The following IL20RA variants were observed in gnomAD, a reference collection of about 807,000 sequenced individuals.
The protein encoded by IL20RA is interleukin-20 receptor subunit alpha.
IL20RA carries 29 observed loss-of-function variants against 36.5 expected under a neutral mutation model. The ratio of observed to expected loss-of-function variants is 0.79; its 90% CI spans 0.59 to 1.08. The LOEUF (loss-of-function observed/expected upper bound fraction) is 1.08. Among genes scored for constraint, IL20RA ranks in the 50% least tolerant of loss-of-function variants. The probability of loss-of-function intolerance (pLI) is 0.00; values close to 1 mark genes in which losing one functional copy is unlikely to be tolerated. For synonymous variants in IL20RA, 279 were observed against 267.1 expected, an observed-to-expected ratio of 1.04 and a Z score of -0.43; for missense variants, 652 against 668.4, an observed-to-expected ratio of 0.98 and a Z score of 0.27.
At position 137,002,132 on chromosome 6, in the gene IL20RA, G is replaced by A; in HGVS notation, c.1088C>T (p.Ala363Val). The A allele has an allele frequency of 6.2e-7, 1 of 1,614,142 alleles. No individual in the cohort carries two copies. The highest frequency in any genetic ancestry group is 8.5e-7 in the Non-Finnish European group (1 of 1,180,012). Residue 363 changes from alanine to valine, a missense_variant, in exon 7 of 7, where the codon GCT (alanine) becomes GTT (valine). Coordinates refer to ENST00000316649, the MANE Select transcript of IL20RA (RefSeq NM_014432.4). ...EEEEVKHLGY[A>V]SHLMEIFCDS... Reference sequence around the variant, plus strand: ...ACAAAAAATTTCCATCAAATGCGAAGCATACCCTAAATGTTTCACCTCCTC... The same window carrying A: ...ACAAAAAATTTCCATCAAATGCGAAACATACCCTAAATGTTTCACCTCCTC...
In IL20RA at chr6:137,030,070, G is replaced by GTTTTTTTTTTT. The variant is rs1188809232; in HGVS notation, c.89-12978_89-12968dup. Among the ~76,000 whole-genome samples the GTTTTTTTTTTT allele has an allele frequency of 1.5e-3, 96 of 62,856 alleles. 23 individuals carry two copies. Among genetic ancestry groups the GTTTTTTTTTTT allele is most frequent in the South Asian group, 2.5e-3 (3 of 1,222 alleles). 41.2% of individuals were successfully genotyped at this position (62,856 alleles called of 152,430 possible). A position where few individuals can be genotyped will look rare whatever the true frequency, so the allele number is the denominator to read the frequency against. ...GGTGGAAAATGTCAGCGGTTTGCGG[G>GTTTTTTTTTTT]TTTTTTTTTTTTTTTTTTTTTTTTT... On this transcript the variant is annotated intron_variant, in intron 1 of 6. Transcript: ENST00000316649.
At chr6:137,008,916 T>C (rs1775372982) in intron 4 of IL20RA, 173 bp from the exon 5 acceptor site, 1 of 457,490 alleles carries the variant, frequency 2.2e-6, no homozygotes, top group Admixed American at 4.4e-5. Context: ...CTCTTTTCCT[T>C]TAGCTCAGCA....
chr6:137,021,304 C>T (rs1382696716), intron 1 of IL20RA, among the ~76,000 whole-genome samples: 2 of 152,080 alleles, frequency 1.3e-5, no homozygotes, highest in East Asian at 1.9e-4. Flanking sequence ...CTCACATGGA[C>T]TGCTTGTTCC....
Position 137,026,459 on chromosome 6 carries a change from G to C in IL20RA, c.89-9356C>G, listed in dbSNP as rs113498292. Among the ~76,000 whole-genome samples, 1,297 of 152,320 alleles carry C rather than the reference G, an allele frequency of 8.5e-3. 23 individuals carry two copies. The highest frequency in any genetic ancestry group is 0.029 in the African/African-American group (1,220 of 41,566). ...ACACACAGGATCTGCACAGTCAGAA[G>C]ATACTCAACAGCTGCGTTTTAATGA... On this transcript the variant is annotated intron_variant, in intron 1 of 6. Transcript: ENST00000316649.
intron 1 of IL20RA, among the ~76,000 whole-genome samples, chr6:137,020,633 C>T (rs894995576): frequency 6.6e-6 from 1 of 152,058 alleles, no homozygotes; most frequent in East Asian, 1.9e-4. Context: ...CAGAAACTTA[C>T]TATCTTTTTA....
At chr6:137,034,608 G>A (rs1334181198) in intron 1 of IL20RA, among the ~76,000 whole-genome samples, 1 of 152,026 alleles carries the variant, frequency 6.6e-6, no homozygotes, top group Non-Finnish European at 1.5e-5. Context: ...TCCCCTCCCT[G>A]TGTCCATGTG....
intron 1 of IL20RA, among the ~76,000 whole-genome samples, chr6:137,041,411 A>G (rs1776688001): frequency 6.6e-6 from 1 of 152,234 alleles, no homozygotes; most frequent in Admixed American, 6.5e-5. Context: ...ATTGGGAGAA[A>G]CCAGGTGAGA....
intron 1 of IL20RA, among the ~76,000 whole-genome samples, chr6:137,018,212 A>G (rs1775771154): frequency 6.6e-6 from 1 of 152,218 alleles, no homozygotes; most frequent in African/African-American, 2.4e-5. Flanking sequence ...AGTAGCTGGG[A>G]CTAATGTCAG....
chr6:137,024,180 G>A (rs1359779321), intron 1 of IL20RA, among the ~76,000 whole-genome samples: 1 of 152,118 alleles, frequency 6.6e-6, no homozygotes, highest in Non-Finnish European at 1.5e-5. Flanking sequence ...AATACGATTT[G>A]ATAACTAGTA....
intron 1 of IL20RA, among the ~76,000 whole-genome samples, chr6:137,043,659 G>A (rs1328153660): frequency 4.6e-5 from 7 of 152,060 alleles, no homozygotes; most frequent in African/African-American, 1.7e-4. Context: ...TAACTACCAA[G>A]GACTCCAGAT....
intron 1 of IL20RA, among the ~76,000 whole-genome samples, chr6:137,021,943 G>C (rs1775923068): frequency 6.6e-6 from 1 of 152,174 alleles, no homozygotes; most frequent in South Asian, 2.1e-4. Flanking sequence ...ATACAGATGA[G>C]GAAACTGAGG....
In IL20RA at chr6:137,013,141, A is replaced by G. The variant is rs556697539; in HGVS notation, c.225-1689T>C. Among the ~76,000 whole-genome samples the G allele has an allele frequency of 1.2e-3, 183 of 152,318 alleles. 2 individuals are homozygous for G. In the South Asian group the frequency reaches 0.036, roughly 30 times the overall value. On this transcript the variant is annotated intron_variant, in intron 2 of 6. Coordinates refer to ENST00000316649, the MANE Select transcript of IL20RA (RefSeq NM_014432.4). ...GTTATTTTTCATTCCAGTCCATTCC[A>G]CACCATTCCATTCCTTTCCATTAAA...
intron 1 of IL20RA, among the ~76,000 whole-genome samples, chr6:137,028,126 TAGAC>T (rs1776156316): frequency 1.3e-5 from 2 of 151,860 alleles, no homozygotes; most frequent in South Asian, 2.1e-4. Context: ...AGGACAGAAA[TAGAC>T]AGAAGGGCTG....
Position 137,014,269 on chromosome 6 carries a change from T to A in IL20RA, c.224+2699A>T, listed in dbSNP as rs530942692. On this transcript the variant is annotated intron_variant, in intron 2 of 6. Transcript: ENST00000316649. ...TTTTTGAAAATATGGTAAATTTTTT[T>A]AATTCAAACAATCAAACAATTCAGA... 4.7e-3 allele frequency among the ~76,000 whole-genome samples: 719 copies of A among 152,302 alleles called. 7 individuals are homozygous for A. The highest frequency in any genetic ancestry group is 0.017 in the African/African-American group (690 of 41,570).
chr6:137,017,577 A>G (rs1373917954), intron 1 of IL20RA, among the ~76,000 whole-genome samples: 1 of 152,200 alleles, frequency 6.6e-6, no homozygotes, highest in East Asian at 1.9e-4. Flanking sequence ...TAAACCACTA[A>G]GTTTTGGGGG....
At chr6:137,008,394 G>A (rs1309592080) in intron 5 of IL20RA, among the ~76,000 whole-genome samples, 3 of 152,246 alleles carry the variant, frequency 2.0e-5, no homozygotes, top group African/African-American at 4.8e-5. Flanking sequence ...TTCTCCGAGG[G>A]TGTGAGAACA....
intron 1 of IL20RA, among the ~76,000 whole-genome samples, chr6:137,027,140 C>T (rs1291678980): frequency 1.3e-5 from 2 of 152,152 alleles, no homozygotes; most frequent in African/African-American, 4.8e-5. Context: ...CCTTGGCCTC[C>T]CAAAGTGCTG....
chr6:137,031,571 G>A (rs1776284141), intron 1 of IL20RA, among the ~76,000 whole-genome samples: 2 of 152,228 alleles, frequency 1.3e-5, no homozygotes, highest in South Asian at 4.1e-4. Flanking sequence ...TATCCTAGGT[G>A]TGTAGTGGTA....
At chr6:137,016,865 T>C (rs1341652356) in intron 2 of IL20RA, 103 bp downstream of exon 2, 3 of 1,093,348 alleles carry the variant, frequency 2.7e-6, no homozygotes, top group Non-Finnish European at 4.0e-6. Context: ...ACTTTTCTCT[T>C]TTTCAAACAC....
Sources: allele counts gnomAD v4.1 joint callset (sites outside exome capture counted in the v4.1 genomes callset), GRCh38; gene constraint gnomAD v4.1.1; transcripts MANE v1.5; gene names NCBI Gene and HGNC (gene_info 2026-07-23, HGNC 2026-07-21).